Variants in MGAM2 observed in about 807,000 individuals in gnomAD.
The protein encoded by MGAM2 is probable maltase-glucoamylase 2.
MGAM2 carries 98 observed loss-of-function variants against 96.1 expected under a neutral mutation model. The ratio of observed to expected loss-of-function variants is 1.02; its 90% CI spans 0.87 to 1.21. The LOEUF (loss-of-function observed/expected upper bound fraction) is 1.21, where lower values mean the gene tolerates loss of function less well. Among genes scored for constraint, MGAM2 ranks in the 50% most tolerant of loss-of-function variants. MGAM2 has a pLI of 0.00. For synonymous variants in MGAM2, 749 were observed against 414.8 expected (o/e 1.81, Z -9.79); for missense variants, 2,055 against 1,182.4 (o/e 1.74, Z -10.82).
chr7:142,165,167 A>C, intron 24 of MGAM2, 144 bp downstream of exon 24: 1 of 509,478 alleles, frequency 2.0e-6, no homozygotes, highest in Non-Finnish European at 3.4e-6. Flanking sequence ...ATGCAGGAGA[A>C]ACGTGTGCAT....
At chr7:142,145,387 T>G (rs556200694) in intron 14 of MGAM2, among the ~76,000 whole-genome samples, 1 of 152,178 alleles carries the variant, frequency 6.6e-6, no homozygotes, top group East Asian at 1.9e-4. Context: ...CCTTCTTCCC[T>G]TTTTCCTTTT....
chr7:142,216,648 A>C (rs1482366204), intron 46 of MGAM2, among the ~76,000 whole-genome samples: 1 of 152,130 alleles, frequency 6.6e-6, no homozygotes, highest in Non-Finnish European at 1.5e-5. Context: ...TGGCTTGCAA[A>C]ATTCTAGGAA....
intron 17 of MGAM2, among the ~76,000 whole-genome samples, chr7:142,156,460 T>A (rs1441215137): frequency 2.0e-5 from 3 of 152,138 alleles, no homozygotes; most frequent in African/African-American, 7.2e-5. Context: ...GGAAAAAAAA[T>A]TTACGTTGAT....
At chr7:142,186,486 G>A (rs933726097) in intron 35 of MGAM2, among the ~76,000 whole-genome samples, 2 of 152,192 alleles carry the variant, frequency 1.3e-5, no homozygotes, top group African/African-American at 4.8e-5. Context: ...GCTGGGAGTG[G>A]GTGAGGCATG....
Position 142,118,292 on chromosome 7 carries a change from A to G in MGAM2, c.106+1313A>G, listed in dbSNP as rs1311566677. The stretch of plus-strand genomic sequence containing the variant: ...TATCCTTTTGTGACTGGCTTAATTC[A>G]CTTTGCATAATGTCCTCAAGGTTCA... On this transcript the variant is annotated intron_variant, in intron 2 of 47. Coordinates refer to ENST00000477922, the MANE Select transcript of MGAM2 (RefSeq NM_001293626.2). Among the ~76,000 whole-genome samples, 5 of 152,152 alleles carry G rather than the reference A, an allele frequency of 3.3e-5. No homozygotes were observed. In the South Asian group the frequency reaches 6.2e-4, roughly 19 times the overall value.
In MGAM2 at chr7:142,198,747, G is replaced by C. The variant is rs773122950; in HGVS notation, c.5048+8G>C. Reference sequence around the variant, plus strand: ...TATGAACACTCACTCCAGGTGAGGAGAAGAGGCAATGTCTAACAGCCTCTT... The same window carrying C: ...TATGAACACTCACTCCAGGTGAGGACAAGAGGCAATGTCTAACAGCCTCTT... On this transcript the variant is annotated splice_region_variant and intron_variant, in intron 44 of 47. Coordinates refer to ENST00000477922, the MANE Select transcript of MGAM2 (RefSeq NM_001293626.2). 2.8e-6 allele frequency: 2 copies of C among 702,840 alleles called. No individual in the cohort carries two copies. Among genetic ancestry groups the C allele is most frequent in the South Asian group, 3.0e-5 (2 of 67,370 alleles). The allele number at this position is 702,840 out of a possible 1,614,324, so 43.5% of individuals were successfully genotyped here.
chr7:142,213,502 T>C (rs1416522927), intron 46 of MGAM2, among the ~76,000 whole-genome samples: 1 of 150,886 alleles, frequency 6.6e-6, no homozygotes, highest in Non-Finnish European at 1.5e-5. Context: ...TCACCGCTGA[T>C]CCCACAGAAA....
chr7:142,175,677 A>G lies in MGAM2; in HGVS notation c.3713A>G (p.Tyr1238Cys). The change falls in exon 32 of 48, where the codon TAC becomes TGC. Residue 1238 changes from tyrosine to cysteine, a missense_variant. Tyr to Cys is a radical substitution (Grantham distance 194). Transcript: ENST00000477922. ...PYDVQHVDID[Y>C]MNRKLDFTLS... The stretch of plus-strand genomic sequence containing the variant: ...GACGTCCAGCATGTAGACATCGATT[A>G]CATGAACCGGAAGCTGGATTTCACC... 1 of 702,874 alleles carries G rather than the reference A, an allele frequency of 1.4e-6. No homozygotes were observed. Among genetic ancestry groups the G allele is most frequent in the Non-Finnish European group, 2.6e-6 (1 of 384,974 alleles). 43.5% of individuals were successfully genotyped at this position (702,874 alleles called of 1,614,324 possible). A position where few individuals can be genotyped will look rare whatever the true frequency, so the allele number is the denominator to read the frequency against.
intron 37 of MGAM2, among the ~76,000 whole-genome samples, chr7:142,191,202 A>G (rs1796857950): frequency 1.3e-5 from 2 of 152,166 alleles, no homozygotes; most frequent in Admixed American, 1.3e-4. Context: ...CATGAGATAT[A>G]TAGTTTGAGG....
chr7:142,182,443 C>T (rs567846114), intron 32 of MGAM2, among the ~76,000 whole-genome samples: 2 of 152,306 alleles, frequency 1.3e-5, no homozygotes, highest in Admixed American at 1.3e-4. Flanking sequence ...TCTCCCAGCT[C>T]AGCTGTCAGC....
At chr7:142,137,288 C>A (rs896359414) in intron 8 of MGAM2, 145 bp from the exon 9 acceptor site, 1 of 444,472 alleles carries the variant, frequency 2.2e-6, no homozygotes, top group East Asian at 3.4e-5. Flanking sequence ...ACTCCAACAA[C>A]GATCCTCTGA....
chr7:142,169,023 A>C (rs766227641), intron 26 of MGAM2, among the ~76,000 whole-genome samples: 6 of 152,110 alleles, frequency 3.9e-5, no homozygotes, highest in Non-Finnish European at 8.8e-5. Context: ...TGAAAATATA[A>C]GTTCTAATTC....
At chr7:142,185,245 C>A in intron 34 of MGAM2, 106 bp downstream of exon 34, 1 of 605,080 alleles carries the variant, frequency 1.7e-6, no homozygotes, top group Non-Finnish European at 3.0e-6. Context: ...GTAGCCCTAA[C>A]TTGAGGGTGC....
At chr7:142,125,775 G>A (rs1340771091) in intron 3 of MGAM2, among the ~76,000 whole-genome samples, 1 of 152,010 alleles carries the variant, frequency 6.6e-6, no homozygotes, top group South Asian at 2.1e-4. Flanking sequence ...TCAGCACTAC[G>A]CCTTTTTCAA....
At chr7:142,116,483 T>C (rs1217863062) in intron 1 of MGAM2, among the ~76,000 whole-genome samples, 1 of 152,230 alleles carries the variant, frequency 6.6e-6, no homozygotes, top group East Asian at 1.9e-4. Context: ...TCCCTGAGCA[T>C]ACCTTCCTGT....
At chr7:142,169,449 A>G (rs1156309097) in intron 26 of MGAM2, among the ~76,000 whole-genome samples, 1 of 152,088 alleles carries the variant, frequency 6.6e-6, no homozygotes, top group African/African-American at 2.4e-5. Flanking sequence ...AAGAAAGAAG[A>G]AAACCTTCAC....
chr7:142,137,657 C>T (rs947997654), intron 9 of MGAM2, 112 bp downstream of exon 9: 2 of 462,856 alleles, frequency 4.3e-6, no homozygotes, highest in African/African-American at 4.0e-5. Flanking sequence ...ATTATAAATG[C>T]TGGGATAGTG....
At chr7:142,128,913 C>T (rs1174579954) in intron 3 of MGAM2, among the ~76,000 whole-genome samples, 5 of 139,438 alleles carry the variant, frequency 3.6e-5, no homozygotes, top group Admixed American at 3.5e-4. Context: ...GAGAAGAGGG[C>T]CACTGTCCTC....
chr7:142,147,670 T>G, intron 15 of MGAM2, 97 bp downstream of exon 15: 1 of 565,732 alleles, frequency 1.8e-6, no homozygotes, highest in Non-Finnish European at 3.1e-6. Context: ...ATTGTTCAAA[T>G]ATTTTTTGCA....
Sources: allele counts gnomAD v4.1 joint callset (sites outside exome capture counted in the v4.1 genomes callset), GRCh38; gene constraint gnomAD v4.1.1; transcripts MANE v1.5; gene names NCBI Gene and HGNC (gene_info 2026-07-23, HGNC 2026-07-21).